The following RBFOX1 variants were observed in gnomAD, a reference collection of about 807,000 sequenced individuals.
RBFOX1 encodes the protein RNA binding protein fox-1 homolog 1.
In RBFOX1, 8 loss-of-function variants were observed where a neutral mutation model predicts 57.7. The observed-to-expected ratio is 0.14, with a 90% CI of 0.08 to 0.25. The LOEUF (loss-of-function observed/expected upper bound fraction) is 0.25, where lower values mean the gene tolerates loss of function less well. Ranked by LOEUF, RBFOX1 falls within the 10% of genes least tolerant of loss-of-function variation. The pLI is 1.00. For missense variants in RBFOX1, 611 were observed against 548.5 expected (o/e 1.11, Z -1.14); for synonymous variants, 326 against 222.4 (o/e 1.47, Z -4.15).
chr16:5,412,558 T>C (rs941479106), intron 1 of RBFOX1, among the ~76,000 whole-genome samples: 1 of 151,950 alleles, frequency 6.6e-6, no homozygotes, highest in Non-Finnish European at 1.5e-5. Flanking sequence ...GTCATTACAG[T>C]GGGATGGGCG....
intron 3 of RBFOX1, among the ~76,000 whole-genome samples, chr16:6,754,040 T>C (rs1167094741): frequency 6.6e-6 from 1 of 152,174 alleles, no homozygotes; most frequent in Non-Finnish European, 1.5e-5. Context: ...GTTTATCCAA[T>C]ATACATACCC....
rs562678191 is a variant in RBFOX1, at chr16:6,980,996, T to A, written c.-15-71061T>A. 1.5e-4 allele frequency among the ~76,000 whole-genome samples: 19 copies of A among 126,600 alleles called. No individual in the cohort carries two copies. In the South Asian group the frequency reaches 3.4e-3, roughly 22 times the overall value. The allele number at this position is 126,600 out of a possible 152,430, so 83.1% of individuals were successfully genotyped here. On this transcript the variant is annotated intron_variant, in intron 3 of 15. Transcript: ENST00000550418. Reference sequence around the variant, plus strand: ...AAGTGGAGGTTGCAGTCTGCCGAGATCACGCCACTGCACTCCAGCCTGGGT... The same window carrying A: ...AAGTGGAGGTTGCAGTCTGCCGAGAACACGCCACTGCACTCCAGCCTGGGT...
chr16:7,078,889 T>TTTTTTTTTTTTTTG, intron 4 of RBFOX1, among the ~76,000 whole-genome samples: 1 of 141,600 alleles, frequency 7.1e-6, no homozygotes, highest in Admixed American at 7.1e-5. Flanking sequence ...TTTTTTTTTT[T>TTTTTTTTTTTTTTG]AGTGAAGATG....
intron 3 of RBFOX1, among the ~76,000 whole-genome samples, chr16:6,985,915 C>T (rs1022825715): frequency 2.0e-5 from 3 of 147,842 alleles, no homozygotes; most frequent in African/African-American, 7.5e-5. Context: ...CTTTAATCTG[C>T]AAATGAATGT....
chr16:6,041,452 C>T (rs184666417), intron 1 of RBFOX1, among the ~76,000 whole-genome samples: 15 of 152,250 alleles, frequency 9.9e-5, no homozygotes, highest in Non-Finnish European at 2.9e-5. Flanking sequence ...GTGTTGGGCA[C>T]TGTTCTTTCT....
chr16:6,123,040 G>C (rs775426193), intron 1 of RBFOX1, among the ~76,000 whole-genome samples: 4 of 151,888 alleles, frequency 2.6e-5, no homozygotes, highest in Non-Finnish European at 5.9e-5. Flanking sequence ...GCTATCAGAA[G>C]AAAATCTTTG....
chr16:6,221,840 C>A (rs1269340304), intron 1 of RBFOX1, among the ~76,000 whole-genome samples: 1 of 152,106 alleles, frequency 6.6e-6, no homozygotes, highest in African/African-American at 2.4e-5. Context: ...GGAAACTGCC[C>A]CCATGATCCA....
At chr16:6,483,190 G>C (rs1004959095) in intron 2 of RBFOX1, 8 of 1,167,394 alleles carry the variant, frequency 6.9e-6, no homozygotes, top group Non-Finnish European at 8.4e-6. Flanking sequence ...TTTTGGCGCG[G>C]ACAGAGGCCG....
At chr16:5,749,252 T>A (rs1469946091) in intron 3 of RBFOX1, among the ~76,000 whole-genome samples, 1 of 152,210 alleles carries the variant, frequency 6.6e-6, no homozygotes, top group Non-Finnish European at 1.5e-5. Context: ...TCTAATAGGC[T>A]TCCCTTTGTG....
intron 3 of RBFOX1, among the ~76,000 whole-genome samples, chr16:6,859,199 A>ATATATCTG (rs2058572448): frequency 9.3e-6 from 1 of 107,770 alleles, no homozygotes; most frequent in Non-Finnish European, 2.0e-5. Flanking sequence ...ATATATATGT[A>ATATATCTG]TATATATATA....
chr16:6,725,176 G>C (rs146472221), intron 3 of RBFOX1, among the ~76,000 whole-genome samples: 1 of 149,746 alleles, frequency 6.7e-6, no homozygotes, highest in Admixed American at 6.7e-5. Flanking sequence ...TCAGCCTCCC[G>C]AGTAACTGGG....
intron 2 of RBFOX1, among the ~76,000 whole-genome samples, chr16:6,464,398 G>A (rs2094992257): frequency 6.7e-6 from 1 of 150,370 alleles, no homozygotes; most frequent in African/African-American, 2.5e-5. Context: ...CAATTGGTTT[G>A]AAAATAGCTA....
At chr16:6,612,749 G>T (rs993233407) in intron 2 of RBFOX1, among the ~76,000 whole-genome samples, 1 of 151,582 alleles carries the variant, frequency 6.6e-6, no homozygotes, top group Admixed American at 6.6e-5. Flanking sequence ...CTACTCAGGA[G>T]GCTGAGGCAG....
At chr16:7,622,851 T>C (rs2059520569) in intron 10 of RBFOX1, among the ~76,000 whole-genome samples, 1 of 152,184 alleles carries the variant, frequency 6.6e-6, no homozygotes, top group Non-Finnish European at 1.5e-5. Context: ...CCATAACCCT[T>C]CAGAGAAGCT....
intron 4 of RBFOX1, among the ~76,000 whole-genome samples, chr16:5,989,344 AAAAC>A (rs773529345): frequency 3.0e-4 from 46 of 151,968 alleles, no homozygotes; most frequent in Non-Finnish European, 5.3e-4. Flanking sequence ...AAAACAGAAC[AAAAC>A]AAACAAAAAA....
chr16:6,292,985 G>A (rs1033972039), intron 1 of RBFOX1, among the ~76,000 whole-genome samples: 1 of 152,134 alleles, frequency 6.6e-6, no homozygotes, highest in Non-Finnish European at 1.5e-5. Flanking sequence ...TGTCCCCAGG[G>A]TACTTACAAT....
At chr16:5,757,231 GTTT>G (rs562031050) in intron 3 of RBFOX1, among the ~76,000 whole-genome samples, 1 of 127,030 alleles carries the variant, frequency 7.9e-6, no homozygotes. Flanking sequence ...TGGTTTTTGT[GTTT>G]TTTTTTTTTT....
At chr16:5,986,946 T>TA (rs750263122) in intron 4 of RBFOX1, among the ~76,000 whole-genome samples, 14 of 152,248 alleles carry the variant, frequency 9.2e-5, no homozygotes, top group Non-Finnish European at 1.9e-4. Context: ...GTGTCACTGA[T>TA]ACACTGTTTC....
At chr16:5,497,253 TA>T (rs1388963145) in intron 2 of RBFOX1, among the ~76,000 whole-genome samples, 1 of 151,952 alleles carries the variant, frequency 6.6e-6, no homozygotes, top group African/African-American at 2.4e-5. Context: ...TCCTTTGGGA[TA>T]TTTTTTTTTT....
Sources: allele counts gnomAD v4.1 joint callset (sites outside exome capture counted in the v4.1 genomes callset), GRCh38; gene constraint gnomAD v4.1.1; transcripts MANE v1.5; gene names NCBI Gene and HGNC (gene_info 2026-07-23, HGNC 2026-07-21).